The following DMAC2L variants were observed in gnomAD, a reference collection of about 807,000 sequenced individuals.
The protein encoded by DMAC2L is distal membrane arm assembly component 2 like.
In DMAC2L, 21 loss-of-function variants were observed where a neutral mutation model predicts 22.5. The observed-to-expected ratio is 0.93, with a 90% confidence interval of 0.66 to 1.34. DMAC2L has a LOEUF of 1.34. Ranked by LOEUF, DMAC2L falls within the 40% of genes most tolerant of loss-of-function variation. The probability of loss-of-function intolerance (pLI) is 0.00; values close to 1 mark genes in which losing one functional copy is unlikely to be tolerated. For synonymous variants in DMAC2L, 86 were observed against 89.5 expected, an observed-to-expected ratio of 0.96 and a Z score of 0.22; for missense variants, 239 against 246.5, an observed-to-expected ratio of 0.97 and a Z score of 0.20.
intron 2 of DMAC2L, among the ~76,000 whole-genome samples, chr14:50,316,124 A>T (rs975031684): frequency 6.6e-6 from 1 of 151,834 alleles, no homozygotes; most frequent in Non-Finnish European, 1.5e-5. Flanking sequence ...AGGTGGTATC[A>T]CATTGTGGTT....
At chr14:50,315,931 G>A (rs1397463465) in intron 2 of DMAC2L, among the ~76,000 whole-genome samples, 1 of 152,134 alleles carries the variant, frequency 6.6e-6, no homozygotes, top group Admixed American at 6.5e-5. Context: ...CCCAGTAGTG[G>A]AATTGCTCGA....
chr14:50,313,336 C>T (rs2031435141), intron 1 of DMAC2L, among the ~76,000 whole-genome samples: 1 of 152,164 alleles, frequency 6.6e-6, no homozygotes, highest in African/African-American at 2.4e-5. Context: ...CTCTTTGCCT[C>T]AGACCCTCCT....
chr14:50,315,798 A>T (rs1288662575), intron 2 of DMAC2L, among the ~76,000 whole-genome samples: 1 of 151,426 alleles, frequency 6.6e-6, no homozygotes, highest in Admixed American at 6.6e-5. Context: ...TTCTTTATCC[A>T]CTCATTGATT....
Position 50,320,088 on chromosome 14 carries a change from TTTTA to T in DMAC2L, c.-5-1379_-5-1376del, listed in dbSNP as rs147800081. ...GTAACAATGCCAATGCTTTGTTCTA[TTTTA>T]TTTATTTATTTATTTTTGAGATGGA... On this transcript the variant is annotated intron_variant, in intron 2 of 5. Coordinates refer to ENST00000557421, the MANE Select transcript of DMAC2L (RefSeq NM_001382507.1). 6.3e-3 allele frequency among the ~76,000 whole-genome samples: 959 copies of T among 152,106 alleles called. 13 individuals carry two copies. The highest frequency in any genetic ancestry group is 0.021 in the African/African-American group (879 of 41,500).
At chr14:50,322,007 A>C (rs2032315790) in intron 3 of DMAC2L, among the ~76,000 whole-genome samples, 1 of 152,216 alleles carries the variant, frequency 6.6e-6, no homozygotes, top group African/African-American at 2.4e-5. Context: ...GTCATTTTGA[A>C]ACTTGAAACT....
In DMAC2L at chr14:50,322,576, G is replaced by A. The variant is rs369333949; in HGVS notation, c.173G>A (p.Cys58Tyr). The A allele has an allele frequency of 6.2e-7, 1 of 1,614,168 alleles. No individual in the cohort carries two copies. Among genetic ancestry groups the A allele is most frequent in the Non-Finnish European group, 8.5e-7 (1 of 1,180,014 alleles). Residue 58 changes from cysteine (C) to tyrosine (Y), a missense_variant, in exon 4 of 6, where the codon TGT (cysteine) becomes TAT (tyrosine). Transcript: ENST00000557421. ...DRAASEWLLR[C>Y]GAMVRYHGQE... ...GCGGCATCCGAGTGGTTGCTGCGCT[G>A]TGGGGCCATGGTGCGCTACCATGGC...
chr14:50,318,431 G>A (rs1005025971), intron 2 of DMAC2L, among the ~76,000 whole-genome samples: 3 of 152,000 alleles, frequency 2.0e-5, no homozygotes, highest in Admixed American at 2.0e-4. Context: ...TTGGCCTTTC[G>A]TTTAAGCTAA....
At chr14:50,312,210 G>A (rs568178074), upstream of DMAC2L, 186 of 1,590,904 alleles carry the variant, frequency 1.2e-4, no homozygotes, top group Middle Eastern at 1.7e-4. Context: ...CTCCACGGCC[G>A]AGGACCCGCG....
intron 2 of DMAC2L, among the ~76,000 whole-genome samples, chr14:50,320,196 C>T (rs965205048): frequency 1.3e-5 from 2 of 152,194 alleles, no homozygotes; most frequent in African/African-American, 2.4e-5. Flanking sequence ...CGGGTTCAAG[C>T]GATTCTCCTG....
At position 50,324,005 on chromosome 14, in the gene DMAC2L, GTT is replaced by G. The variant is rs753566710; in HGVS notation, c.379_380del (p.Leu127AlafsTer4). On this transcript the variant is annotated frameshift_variant, in exon 5 of 6. Transcript: ENST00000557421. LOFTEE classifies it high-confidence loss of function. ...AAGTGTCATTATATCGAGGATGACT[GTT>G]TGCTGAGACTTAGTCAACTTGAAAA... The G allele has an allele frequency of 1.2e-6, 2 of 1,613,978 alleles. No individual in the cohort carries two copies. The highest frequency in any genetic ancestry group is 1.7e-6 in the Non-Finnish European group (2 of 1,179,960).
At chr14:50,322,782 A>G (rs1169922947) in intron 4 of DMAC2L, 63 bp downstream of exon 4, 3 of 1,607,950 alleles carry the variant, frequency 1.9e-6, no homozygotes, top group Admixed American at 1.7e-5. Flanking sequence ...ATTTTGTTGC[A>G]GTTGACTCAC....
intron 2 of DMAC2L, chr14:50,319,117 G>T: frequency 4.7e-6 from 7 of 1,492,810 alleles, no homozygotes; most frequent in Non-Finnish European, 6.2e-6. Context: ...AGAGAAAACA[G>T]CCTGAGTAGA....
chr14:50,321,735 C>A, intron 3 of DMAC2L, 141 bp downstream of exon 3: 1 of 527,668 alleles, frequency 1.9e-6, no homozygotes. Flanking sequence ...AAAACCCACA[C>A]AAACATGGAA....
chr14:50,324,143 C>T (rs1284624157), intron 5 of DMAC2L, 27 bp downstream of exon 5: 1 of 1,585,794 alleles, frequency 6.3e-7, no homozygotes, highest in Non-Finnish European at 8.6e-7. Context: ...AAAGTGGAAA[C>T]TTGATAATGC....
At chr14:50,314,094 G>A (rs1231501101) in intron 1 of DMAC2L, among the ~76,000 whole-genome samples, 4 of 152,152 alleles carry the variant, frequency 2.6e-5, no homozygotes, top group East Asian at 1.9e-4. Flanking sequence ...TAATGTAGAT[G>A]TACTACAGTA....
At chr14:50,317,684 C>T (rs2031924927) in intron 2 of DMAC2L, among the ~76,000 whole-genome samples, 1 of 151,876 alleles carries the variant, frequency 6.6e-6, no homozygotes, top group South Asian at 2.1e-4. Flanking sequence ...GCAGGACAAT[C>T]GCTTGAACCC....
rs769527313 is a variant in DMAC2L, at chr14:50,321,599, G to C, written c.107+5G>C. 6.3e-7 allele frequency: 1 copy of C among 1,597,558 alleles called. No individual in the cohort carries two copies. The highest frequency in any genetic ancestry group is 1.3e-5 in the African/African-American group (1 of 74,692). On this transcript the variant is annotated splice_donor_5th_base_variant and intron_variant, in intron 3 of 5. Transcript: ENST00000557421. ...GTTGAATGCAGTGTTTAATAAGTAAGTTACTCTAAATAAAGTGAAGAAATG... is the reference window on the plus strand; with the variant it reads ...GTTGAATGCAGTGTTTAATAAGTAACTTACTCTAAATAAAGTGAAGAAATG...
chr14:50,322,446 G>A, intron 3 of DMAC2L, 65 bp from the exon 4 acceptor site: 1 of 1,484,166 alleles, frequency 6.7e-7, no homozygotes, highest in Non-Finnish European at 9.1e-7. Context: ...ATTTATGTCA[G>A]TTAATATAGT....
chr14:50,312,293 T>G (rs2031284877), upstream of DMAC2L: 1 of 1,274,130 alleles, frequency 7.8e-7, no homozygotes. Context: ...GAGGCTGCGG[T>G]GGCCAATAGG....
Sources: allele counts gnomAD v4.1 joint callset (sites outside exome capture counted in the v4.1 genomes callset), GRCh38; gene constraint gnomAD v4.1.1; transcripts MANE v1.5; gene names NCBI Gene and HGNC (gene_info 2026-07-23, HGNC 2026-07-21).